The following CFAP299 variants were observed in gnomAD, a reference collection of about 807,000 sequenced individuals.
CFAP299 encodes cilia and flagella associated protein 299.
CFAP299 carries 21 observed loss-of-function variants against 27.0 expected under a neutral mutation model. The observed-to-expected ratio is 0.78, with a 90% CI of 0.55 to 1.12. CFAP299 has a LOEUF of 1.12. CFAP299 is among the 50% of genes most tolerant of loss of function. The probability of loss-of-function intolerance (pLI) is 0.00; values close to 1 mark genes in which losing one functional copy is unlikely to be tolerated. For synonymous variants in CFAP299, 104 were observed against 98.1 expected (o/e 1.06, Z -0.36); for missense variants, 310 against 276.6 (o/e 1.12, Z -0.86).
intron 5 of CFAP299, among the ~76,000 whole-genome samples, chr4:80,950,679 G>A (rs769020359): frequency 1.3e-5 from 2 of 152,086 alleles, no homozygotes; most frequent in Non-Finnish European, 2.9e-5. Flanking sequence ...CTACAGAGAG[G>A]CTGTCAGCAC....
chr4:80,512,504 A>G (rs745592331), intron 2 of CFAP299, among the ~76,000 whole-genome samples: 1 of 152,158 alleles, frequency 6.6e-6, no homozygotes, highest in Non-Finnish European at 1.5e-5. Context: ...AGATGTGGTC[A>G]TCAGGGCTTT....
chr4:80,647,528 G>T (rs1462616551), intron 3 of CFAP299, among the ~76,000 whole-genome samples: 2 of 152,086 alleles, frequency 1.3e-5, no homozygotes, highest in Non-Finnish European at 2.9e-5. Context: ...ACTAGACGAT[G>T]AAATGACCCA....
intron 3 of CFAP299, among the ~76,000 whole-genome samples, chr4:80,809,962 A>G (rs1729061138): frequency 6.6e-6 from 1 of 152,074 alleles, no homozygotes; most frequent in Non-Finnish European, 1.5e-5. Context: ...CTTTACCCAT[A>G]AAGTGAATGT....
intron 2 of CFAP299, among the ~76,000 whole-genome samples, chr4:80,469,932 C>T (rs980221760): frequency 1.1e-4 from 16 of 151,916 alleles, no homozygotes; most frequent in Non-Finnish European, 2.4e-4. Context: ...TTAGTAAAAA[C>T]ATAAAATTGA....
At chr4:80,866,470 C>A (rs1732753756) in intron 3 of CFAP299, among the ~76,000 whole-genome samples, 1 of 152,056 alleles carries the variant, frequency 6.6e-6, no homozygotes, top group South Asian at 2.1e-4. Context: ...AAGAAAGAGG[C>A]TGCTCAATGG....
chr4:80,678,150 TA>T (rs1240242729), intron 3 of CFAP299, among the ~76,000 whole-genome samples: 1 of 152,066 alleles, frequency 6.6e-6, no homozygotes, highest in Non-Finnish European at 1.5e-5. Context: ...TTTCTTCTTT[TA>T]ACTTAGGTTT....
At chr4:80,714,233 AG>A (rs1722346935) in intron 3 of CFAP299, among the ~76,000 whole-genome samples, 1 of 152,126 alleles carries the variant, frequency 6.6e-6, no homozygotes. Context: ...GAGAGTACAG[AG>A]GAAAAGAGAG....
chr4:80,659,593 T>C (rs886167251), intron 3 of CFAP299, among the ~76,000 whole-genome samples: 3 of 152,000 alleles, frequency 2.0e-5, no homozygotes, highest in African/African-American at 7.2e-5. Flanking sequence ...TGAGAGATCA[T>C]GTATAACTCA....
intron 2 of CFAP299, among the ~76,000 whole-genome samples, chr4:80,562,322 G>A (rs1244401788): frequency 2.0e-5 from 3 of 151,992 alleles, no homozygotes; most frequent in African/African-American, 4.8e-5. Flanking sequence ...TTGAGGCTGG[G>A]CACCATGGCT....
At chr4:80,340,008 T>C (rs1430868740) in intron 1 of CFAP299, among the ~76,000 whole-genome samples, 1 of 152,212 alleles carries the variant, frequency 6.6e-6, no homozygotes, top group Non-Finnish European at 1.5e-5. Flanking sequence ...TGTCTTCCCA[T>C]TATTTATAAA....
chr4:80,589,329 A>G (rs1027236726), intron 3 of CFAP299, among the ~76,000 whole-genome samples: 4 of 152,180 alleles, frequency 2.6e-5, no homozygotes, highest in African/African-American at 9.7e-5. Flanking sequence ...GCCCCCAAAG[A>G]AAGAAACTCA....
intron 2 of CFAP299, among the ~76,000 whole-genome samples, chr4:80,410,071 A>C (rs548016623): frequency 5.3e-5 from 8 of 152,336 alleles, no homozygotes; most frequent in African/African-American, 1.9e-4. Context: ...AGAAGGGAAG[A>C]CGAAGGGATG....
intron 2 of CFAP299, among the ~76,000 whole-genome samples, chr4:80,480,664 A>G (rs1430999685): frequency 1.3e-5 from 2 of 152,006 alleles, no homozygotes; most frequent in African/African-American, 4.8e-5. Context: ...TCTCCATTTT[A>G]ATTTACTCAT....
At chr4:80,940,989 A>T (rs994353735) in intron 4 of CFAP299, among the ~76,000 whole-genome samples, 2 of 152,088 alleles carry the variant, frequency 1.3e-5, no homozygotes, top group Admixed American at 1.3e-4. Flanking sequence ...TCTGTGGGGG[A>T]TTCGTTCCAG....
intron 2 of CFAP299, among the ~76,000 whole-genome samples, chr4:80,369,398 C>T (rs1040467686): frequency 6.6e-6 from 1 of 152,218 alleles, no homozygotes; most frequent in Admixed American, 6.5e-5. Context: ...CATTCTAAAT[C>T]TCCTGCCTTT....
intron 3 of CFAP299, among the ~76,000 whole-genome samples, chr4:80,687,710 C>T (rs1303956580): frequency 6.6e-6 from 1 of 152,166 alleles, no homozygotes. Flanking sequence ...AGGAACAGCT[C>T]CGGTCTACAG....
intron 4 of CFAP299, among the ~76,000 whole-genome samples, chr4:80,924,082 C>T (rs1736178978): frequency 6.6e-6 from 1 of 151,758 alleles, no homozygotes; most frequent in Non-Finnish European, 1.5e-5. Context: ...AAGATGGTGA[C>T]ATGGGGTATC....
At chr4:80,776,504 G>A (rs564479607) in intron 3 of CFAP299, among the ~76,000 whole-genome samples, 1 of 152,056 alleles carries the variant, frequency 6.6e-6, no homozygotes, top group Middle Eastern at 3.4e-3. Flanking sequence ...ACAGAATTAA[G>A]ATGTTCTCAC....
At chr4:80,876,715 T>C (rs767189759) in intron 4 of CFAP299, among the ~76,000 whole-genome samples, 1 of 151,946 alleles carries the variant, frequency 6.6e-6, no homozygotes, top group Non-Finnish European at 1.5e-5. Flanking sequence ...ACTGCCATTA[T>C]TTTTTTTAAT....
Sources: gnomAD v4.1 joint callset for allele counts (sites outside exome capture counted in the v4.1 genomes callset) on GRCh38, gnomAD v4.1.1 for gene constraint, MANE v1.5 for transcripts, NCBI Gene and HGNC (gene_info 2026-07-23, HGNC 2026-07-21) for gene names.